TFAP2D: variants seen among roughly 807,000 people sequenced by gnomAD.
TFAP2D encodes the protein transcription factor AP-2-delta.
Under a neutral mutation model 43.6 loss-of-function variants are expected in TFAP2D, and 9 were observed. The observed-to-expected ratio is 0.21, with a 90% CI of 0.12 to 0.36. The LOEUF is 0.36. Among genes scored for constraint, TFAP2D ranks in the 10% least tolerant of loss-of-function variants. The pLI is 1.00. For missense variants in TFAP2D, 513 were observed against 561.4 expected (o/e 0.91, Z 0.87); for synonymous variants, 256 against 224.9 (o/e 1.14, Z -1.24).
chr6:50,744,395 T>TATACCATATACA (rs1216488827), intron 5 of TFAP2D, among the ~76,000 whole-genome samples: 20 of 151,772 alleles, frequency 1.3e-4, no homozygotes, highest in South Asian at 4.1e-4. Context: ...CTGCATAGTG[T>TATACCATATACA]TCCATGGTAT....
intron 1 of TFAP2D, 70 bp downstream of exon 1, chr6:50,714,164 TGGC>T: frequency 2.0e-6 from 3 of 1,519,186 alleles, no homozygotes; most frequent in Admixed American, 2.0e-5. Flanking sequence ...GTGGCGGCGG[TGGC>T]GGCGGCGGTG....
intron 7 of TFAP2D, among the ~76,000 whole-genome samples, chr6:50,769,257 G>T (rs1042321880): frequency 2.0e-5 from 3 of 152,108 alleles, no homozygotes; most frequent in African/African-American, 7.2e-5. Context: ...ACACCATAAA[G>T]ATGTTATACT....
intron 2 of TFAP2D, 24 bp downstream of exon 2, chr6:50,715,637 G>T (rs202149845): frequency 5.1e-5 from 80 of 1,568,640 alleles, no homozygotes; most frequent in Non-Finnish European, 6.4e-5. Context: ...CAGCGAATTT[G>T]TCTGCTCCCT....
chr6:50,760,022 T>G (rs1368034786), intron 7 of TFAP2D, among the ~76,000 whole-genome samples: 1 of 152,068 alleles, frequency 6.6e-6, no homozygotes, highest in Non-Finnish European at 1.5e-5. Context: ...AGTGTTTTTT[T>G]GGTTAAAGAA....
chr6:50,734,387 G>C (rs1034062675), intron 5 of TFAP2D, among the ~76,000 whole-genome samples: 19 of 152,112 alleles, frequency 1.2e-4, no homozygotes, highest in African/African-American at 4.6e-4. Context: ...TAATGATGAG[G>C]ATAATGCCAG....
Position 50,714,194 on chromosome 6 carries a change from C to T in TFAP2D, c.39+100C>T, listed in dbSNP as rs1472435808. On this transcript the variant is annotated intron_variant, in intron 1 of 7. Coordinates refer to ENST00000008391, the MANE Select transcript of TFAP2D (RefSeq NM_172238.4). ...GCGGCGGTGGCAGCCTCCCCTGTCT[C>T]TAATCTATATTGGACCGTTACGTTT... 8.1e-6 allele frequency: 10 copies of T among 1,230,782 alleles called. 1 individual carries two copies. Among genetic ancestry groups the T allele is most frequent in the Middle Eastern group, 4.7e-4 (2 of 4,294 alleles). The allele number at this position is 1,230,782 out of a possible 1,614,324, so 76.2% of individuals were successfully genotyped here.
At chr6:50,718,934 A>G (rs1161648978) in intron 2 of TFAP2D, among the ~76,000 whole-genome samples, 156 bp from the exon 3 acceptor site, 1 of 152,204 alleles carries the variant, frequency 6.6e-6, no homozygotes, top group Non-Finnish European at 1.5e-5. Context: ...TTTTTAAAAA[A>G]TTGTGTTTGC....
rs537407334 is a variant in TFAP2D, at chr6:50,744,186, T to C, written c.884-921T>C. The stretch of plus-strand genomic sequence containing the variant: ...ACACAATAGATATTTTTTCTGATTC[T>C]CTCCACCCTCCTACTTTTTACCCTC... On this transcript the variant is annotated intron_variant, in intron 5 of 7. Transcript: ENST00000008391. 4.9e-4 allele frequency among the ~76,000 whole-genome samples: 74 copies of C among 152,282 alleles called. 2 individuals carry two copies. The South Asian group carries it at 0.015, about 31-fold the overall frequency.
intron 3 of TFAP2D, among the ~76,000 whole-genome samples, chr6:50,726,720 A>T (rs978180523): frequency 6.6e-6 from 1 of 152,208 alleles, no homozygotes; most frequent in African/African-American, 2.4e-5. Context: ...TTCATCTAAA[A>T]TTTTAAGAAG....
intron 7 of TFAP2D, among the ~76,000 whole-genome samples, chr6:50,753,309 T>C (rs1325577979): frequency 6.6e-6 from 1 of 151,952 alleles, no homozygotes; most frequent in Non-Finnish European, 1.5e-5. Context: ...GCCATCCTTT[T>C]TATGCTCAAA....
chr6:50,764,867 A>G (rs1388444253), intron 7 of TFAP2D, among the ~76,000 whole-genome samples: 1 of 152,224 alleles, frequency 6.6e-6, no homozygotes, highest in East Asian at 1.9e-4. Context: ...AATGATCACA[A>G]CAATCAAGTT....
chr6:50,739,988 C>T (rs552642830), intron 5 of TFAP2D, among the ~76,000 whole-genome samples: 10 of 152,234 alleles, frequency 6.6e-5, no homozygotes, highest in South Asian at 4.1e-4. Context: ...CATTCCTTTC[C>T]GAAGAGTCTG....
chr6:50,730,026 C>A (rs995470886), intron 5 of TFAP2D, among the ~76,000 whole-genome samples: 2 of 151,726 alleles, frequency 1.3e-5, no homozygotes, highest in Non-Finnish European at 2.9e-5. Flanking sequence ...TTGTGGGGAA[C>A]TTTTTGAATG....
At chr6:50,759,682 C>T (rs963337724) in intron 7 of TFAP2D, among the ~76,000 whole-genome samples, 1 of 151,952 alleles carries the variant, frequency 6.6e-6, no homozygotes. Context: ...ATGGTGCAGG[C>T]ATCAAATGTT....
intron 7 of TFAP2D, among the ~76,000 whole-genome samples, chr6:50,770,619 A>T (rs1419423838): frequency 2.4e-4 from 37 of 151,878 alleles, no homozygotes; most frequent in Non-Finnish European, 1.0e-4. Context: ...AAAAACAACA[A>T]CCCCACATGG....
Position 50,728,858 on chromosome 6 carries a change from G to A in TFAP2D, c.601G>A (p.Gly201Ser). ...NGQGGVIRRGGTCVVNPTDLF... is the reference protein window; with the variant it reads ...NGQGGVIRRGSTCVVNPTDLF... ...TTATATACTTTTTTTCTCCCAAGGT[G>A]GCACCTGTGTGGTCAACCCCACAGA... The change falls in exon 4 of 8, where the codon GGC becomes AGC. Residue 201 changes from glycine (G) to serine (S), a missense_variant and splice_region_variant. Transcript: ENST00000008391. 1 of 1,613,474 alleles carries A rather than the reference G, an allele frequency of 6.2e-7. No homozygotes were observed. The highest frequency in any genetic ancestry group is 8.5e-7 in the Non-Finnish European group (1 of 1,179,732).
chr6:50,716,274 G>T (rs1768626129), intron 2 of TFAP2D, among the ~76,000 whole-genome samples: 1 of 152,162 alleles, frequency 6.6e-6, no homozygotes, highest in South Asian at 2.1e-4. Flanking sequence ...AGGGTGTAGG[G>T]TTGAGTTTAA....
chr6:50,714,167 C>G, intron 1 of TFAP2D, 73 bp downstream of exon 1: 1 of 1,492,614 alleles, frequency 6.7e-7, no homozygotes, highest in Non-Finnish European at 9.1e-7. Context: ...GCGGCGGTGG[C>G]GGCGGCGGTG....
At chr6:50,726,469 C>T (rs2114035872) in intron 3 of TFAP2D, among the ~76,000 whole-genome samples, 1 of 152,294 alleles carries the variant, frequency 6.6e-6, no homozygotes, top group Middle Eastern at 3.4e-3. Context: ...CATTTGTATA[C>T]TGGCTAGTAT....
Sources: allele counts gnomAD v4.1 joint callset (sites outside exome capture counted in the v4.1 genomes callset), GRCh38; gene constraint gnomAD v4.1.1; transcripts MANE v1.5; gene names NCBI Gene and HGNC (gene_info 2026-07-23, HGNC 2026-07-21).